Variants in WIPI2 observed in about 807,000 individuals in gnomAD.
WIPI2 encodes the protein WD repeat domain, phosphoinositide interacting 2, also known as WD repeat domain phosphoinositide-interacting protein 2.
A neutral mutation model predicts 52.3 loss-of-function variants in WIPI2; 28 were observed. The observed-to-expected ratio is 0.54, with a 90% confidence interval of 0.40 to 0.73. The LOEUF (loss-of-function observed/expected upper bound fraction) is 0.73. Among genes scored for constraint, WIPI2 ranks in the 30% least tolerant of loss-of-function variants. The pLI is 0.00. For missense variants in WIPI2, 506 were observed against 602.9 expected (o/e 0.84, Z 1.68); for synonymous variants, 268 against 245.0 (o/e 1.09, Z -0.88).
intron 3 of WIPI2, among the ~76,000 whole-genome samples, chr7:5,209,013 ATTTTTTTTT>A (rs55697377): frequency 2.2e-5 from 2 of 92,904 alleles, no homozygotes; most frequent in East Asian, 3.1e-4. Context: ...ATATTCTGTG[ATTTTTTTTT>A]TTTTTTTTTT....
chr7:5,220,038 G>T (rs1282132097), intron 7 of WIPI2, among the ~76,000 whole-genome samples: 3 of 152,034 alleles, frequency 2.0e-5, no homozygotes, highest in East Asian at 3.9e-4. Context: ...GTTTCACCCT[G>T]TTGGCCAGGC....
At chr7:5,202,832 A>G (rs1318902986) in intron 3 of WIPI2, among the ~76,000 whole-genome samples, 10 of 152,222 alleles carry the variant, frequency 6.6e-5, no homozygotes, top group Non-Finnish European at 5.9e-5. Context: ...TCCCTAAAAT[A>G]TTCTACAACA....
intron 8 of WIPI2, 117 bp downstream of exon 8, chr7:5,222,789 C>T (rs949733962): frequency 9.9e-7 from 1 of 1,013,192 alleles, no homozygotes. Flanking sequence ...GCATTTCTAG[C>T]CCGGCTGGGT....
chr7:5,226,444 G>C (rs1783437543), intron 9 of WIPI2: 1 of 155,856 alleles, frequency 6.4e-6, no homozygotes, highest in African/African-American at 2.4e-5. Context: ...GTAGCCTCTA[G>C]CTGCTGGGCT....
chr7:5,229,318 CCTGA>C, intron 11 of WIPI2: 1 of 262,158 alleles, frequency 3.8e-6, no homozygotes. Context: ...CCCGGGCTAG[CCTGA>C]CTTTTTTTGT....
intron 2 of WIPI2, among the ~76,000 whole-genome samples, chr7:5,198,050 G>C (rs1024974302): frequency 2.6e-5 from 4 of 152,204 alleles, no homozygotes; most frequent in Non-Finnish European, 5.9e-5. Flanking sequence ...GAGCCTCCTC[G>C]CAGAAGCGGG....
chr7:5,194,071 C>T (rs1450931462), intron 2 of WIPI2, among the ~76,000 whole-genome samples: 1 of 152,170 alleles, frequency 6.6e-6, no homozygotes, highest in African/African-American at 2.4e-5. Flanking sequence ...CAAGGGAGAA[C>T]TTAGGTGACG....
intron 8 of WIPI2, among the ~76,000 whole-genome samples, chr7:5,225,363 G>A (rs10241426): frequency 0.031 from 4,650 of 152,086 alleles, 98 homozygotes; most frequent in Middle Eastern, 0.089. Flanking sequence ...GGATGGTCTC[G>A]ATATCTTGAC....
At chr7:5,224,675 TG>T (rs966200686) in intron 8 of WIPI2, among the ~76,000 whole-genome samples, 11 of 152,250 alleles carry the variant, frequency 7.2e-5, no homozygotes, top group African/African-American at 2.4e-4. Flanking sequence ...AGTTCCTGGC[TG>T]GGGGCCACAA....
At chr7:5,208,472 G>A (rs1156308326) in intron 3 of WIPI2, among the ~76,000 whole-genome samples, 1 of 151,618 alleles carries the variant, frequency 6.6e-6, no homozygotes, top group African/African-American at 2.4e-5. Flanking sequence ...CCCTGTCCAG[G>A]AAACTTTTGC....
intron 2 of WIPI2, among the ~76,000 whole-genome samples, chr7:5,196,317 C>G (rs1781742259): frequency 6.6e-6 from 1 of 151,872 alleles, no homozygotes; most frequent in Admixed American, 6.6e-5. Context: ...CCATTGCACT[C>G]CAGCCTGGGC....
chr7:5,197,111 CAAAAAACAAAA>C lies in WIPI2; in HGVS notation c.129-2458_129-2448del, dbSNP rs1781779368. 1.1e-4 allele frequency among the ~76,000 whole-genome samples: 6 copies of C among 56,428 alleles called. 1 individual carries two copies. The highest frequency in any genetic ancestry group is 1.5e-4 in the Non-Finnish European group (5 of 33,978). 37.0% of individuals were successfully genotyped at this position (56,428 alleles called of 152,430 possible). On this transcript the variant is annotated intron_variant, in intron 2 of 12. Coordinates refer to ENST00000288828, the MANE Select transcript of WIPI2 (RefSeq NM_015610.4). ...TGCATGACAGAGCGGGACTCCGTCTCAAAAAACAAAAAAAAAAAAAAAAAAAAAAAAAAAAC... is the reference window on the plus strand; with the variant it reads ...TGCATGACAGAGCGGGACTCCGTCTCAAAAAAAAAAAAAAAAAAAAAAAAC...
chr7:5,207,021 C>T (rs1040197852), intron 3 of WIPI2, among the ~76,000 whole-genome samples: 8 of 152,150 alleles, frequency 5.3e-5, no homozygotes, highest in African/African-American at 1.9e-4. Context: ...TCAAGTGATC[C>T]ACATCAGCCT....
intron 3 of WIPI2, among the ~76,000 whole-genome samples, chr7:5,208,891 G>C (rs1167868454): frequency 1.3e-5 from 2 of 152,098 alleles, no homozygotes; most frequent in Non-Finnish European, 2.9e-5. Context: ...TTATGATTAG[G>C]ATGGGATTGG....
At chr7:5,207,768 C>CTT (rs35296190) in intron 3 of WIPI2, among the ~76,000 whole-genome samples, 27,605 of 107,172 alleles carry the variant, frequency 0.26, 4,966 homozygotes, top group East Asian at 0.48. Context: ...TCCTCACTAA[C>CTT]TTTTTTTTTT....
intron 3 of WIPI2, among the ~76,000 whole-genome samples, chr7:5,211,323 T>C (rs985085830): frequency 3.8e-4 from 58 of 151,934 alleles, no homozygotes; most frequent in African/African-American, 1.2e-3. Flanking sequence ...AATACAAAAA[T>C]TAGGCAGGCG....
intron 12 of WIPI2, 38 bp downstream of exon 12, chr7:5,229,776 C>T (rs776654192): frequency 8.1e-6 from 13 of 1,611,172 alleles, no homozygotes; most frequent in Non-Finnish European, 1.1e-5. Flanking sequence ...GTAATTAGCC[C>T]CACAGCCCCG....
Position 5,208,008 on chromosome 7 carries a change from C to T in WIPI2, c.212-6527C>T, listed in dbSNP as rs576938045. 6.6e-5 allele frequency among the ~76,000 whole-genome samples: 10 copies of T among 152,258 alleles called. No homozygotes were observed. In the South Asian group the frequency reaches 1.0e-3, roughly 16 times the overall value. On this transcript the variant is annotated intron_variant, in intron 3 of 12. Transcript: ENST00000288828. ...CTGAGACTCCTGACCTCAGGCGATCCGGCCATCTCGACCTCCCAAAGTGCT... is the reference window on the plus strand; with the variant it reads ...CTGAGACTCCTGACCTCAGGCGATCTGGCCATCTCGACCTCCCAAAGTGCT...
rs372062667 is a variant in WIPI2, at chr7:5,191,405, C to T, written c.74+912C>T. 3.3e-5 allele frequency among the ~76,000 whole-genome samples: 5 copies of T among 152,304 alleles called. No individual in the cohort carries two copies. The East Asian group carries it at 7.7e-4, about 24-fold the overall frequency. ...GCAATAACCTTGGCATCTGACCTAG[C>T]TAGGGAGAAACTGAGCCAAGAGAGG... On this transcript the variant is annotated intron_variant, in intron 1 of 12. Transcript: ENST00000288828.
Sources: allele counts gnomAD v4.1 joint callset (sites outside exome capture counted in the v4.1 genomes callset), GRCh38; gene constraint gnomAD v4.1.1; transcripts MANE v1.5; gene names NCBI Gene and HGNC (gene_info 2026-07-23, HGNC 2026-07-21).